NHEJ1: variants seen among roughly 807,000 people sequenced by gnomAD.
NHEJ1 encodes non-homologous end joining factor 1.
NHEJ1 carries 22 observed loss-of-function variants against 39.4 expected under a neutral mutation model. That is an observed-to-expected ratio of 0.56 (90% confidence interval 0.40 to 0.80). NHEJ1 has a LOEUF of 0.80. Ranked by LOEUF, NHEJ1 falls within the 30% of genes least tolerant of loss-of-function variation. The probability of loss-of-function intolerance (pLI) is 0.00; values close to 1 mark genes in which losing one functional copy is unlikely to be tolerated. For synonymous variants in NHEJ1, 154 were observed against 135.6 expected, an observed-to-expected ratio of 1.14 and a Z score of -0.94; for missense variants, 329 against 357.1, an observed-to-expected ratio of 0.92 and a Z score of 0.63.
chr2:219,128,589 A>C (rs1316552589), intron 5 of NHEJ1, among the ~76,000 whole-genome samples: 1 of 152,112 alleles, frequency 6.6e-6, no homozygotes, highest in Admixed American at 6.5e-5. Context: ...TTATCAGGCA[A>C]TAACAAACTC....
Position 219,154,891 on chromosome 2 carries a change from TTA to T in NHEJ1, c.390+2579_390+2580del, listed in dbSNP as rs1339012291. Among the ~76,000 whole-genome samples, 4 of 147,264 alleles carry T rather than the reference TTA, an allele frequency of 2.7e-5. No individual in the cohort carries two copies. The East Asian group carries it at 7.8e-4, about 29-fold the overall frequency. ...TATATATTATATAATATATAATACA[TTA>T]TATTATACCATTACATATTATATTA... On this transcript the variant is annotated intron_variant, in intron 3 of 7. Coordinates refer to ENST00000356853, the MANE Select transcript of NHEJ1 (RefSeq NM_024782.3).
chr2:219,103,283 C>A (rs75548919), intron 5 of NHEJ1, among the ~76,000 whole-genome samples: 2 of 148,224 alleles, frequency 1.3e-5, no homozygotes, highest in African/African-American at 5.0e-5. Context: ...TTTATTTTTT[C>A]TTTTTTCTTT....
rs1229829357 is a variant in NHEJ1, at chr2:219,073,512, G to T, written c.*2869C>A. On this transcript the variant is annotated 3_prime_UTR_variant, in exon 8 of 8. Transcript: ENST00000356853. ...GGATGAGGCTTTCTCTCCAAGCAGG[G>T]AGCATGCCTGTCCTAGCTAACTATG... Among the ~76,000 whole-genome samples, 12 of 152,184 alleles carry T rather than the reference G, an allele frequency of 7.9e-5. No individual in the cohort carries two copies. The highest frequency in any genetic ancestry group is 1.6e-4 in the Non-Finnish European group (11 of 68,030).
intron 1 of NHEJ1, chr2:219,159,337 G>A (rs1325349709): frequency 6.6e-6 from 1 of 151,190 alleles, no homozygotes; most frequent in Non-Finnish European, 1.5e-5. Flanking sequence ...TTTTCCTGTG[G>A]GGGAGAAAAA....
chr2:219,081,666 T>TGTGGGAGATAGGCA (rs1331754471), intron 5 of NHEJ1, among the ~76,000 whole-genome samples: 1 of 152,188 alleles, frequency 6.6e-6, no homozygotes, highest in Non-Finnish European at 1.5e-5. Context: ...CATATTTGCA[T>TGTGGGAGATAGGCA]GTGGGAGATA....
At chr2:219,135,302 A>G (rs951116750) in intron 5 of NHEJ1, among the ~76,000 whole-genome samples, 1 of 152,156 alleles carries the variant, frequency 6.6e-6, no homozygotes, top group Non-Finnish European at 1.5e-5. Context: ...AGGGCTAGGT[A>G]TTTGTCAGAA....
intron 3 of NHEJ1, among the ~76,000 whole-genome samples, chr2:219,152,929 A>G (rs574337800): frequency 6.6e-6 from 1 of 151,890 alleles, no homozygotes; most frequent in East Asian, 1.9e-4. Context: ...CAGCCTCCTG[A>G]GCAGCTGAGA....
At chr2:219,155,369 A>G (rs1354627207) in intron 3 of NHEJ1, among the ~76,000 whole-genome samples, 1 of 151,874 alleles carries the variant, frequency 6.6e-6, no homozygotes, top group African/African-American at 2.4e-5. Flanking sequence ...ATTCGAGACC[A>G]CCCTGGTCAA....
intron 5 of NHEJ1, among the ~76,000 whole-genome samples, chr2:219,130,687 G>T (rs1377894021): frequency 1.3e-5 from 2 of 152,202 alleles, no homozygotes; most frequent in African/African-American, 2.4e-5. Flanking sequence ...TTCTGTACAT[G>T]TTAGGTTGGA....
intron 5 of NHEJ1, among the ~76,000 whole-genome samples, chr2:219,117,576 A>G (rs776854760): frequency 1.3e-5 from 2 of 152,242 alleles, no homozygotes; most frequent in African/African-American, 4.8e-5. Context: ...AACCATGTGG[A>G]AATGTGAAAT....
At position 219,111,233 on chromosome 2, in the gene NHEJ1, G is replaced by C. The variant is rs1264441691; in HGVS notation, c.589-33027C>G. On this transcript the variant is annotated intron_variant, in intron 5 of 7. Transcript: ENST00000356853. This position sits in a 1 kb window ranked among gnomAD's most constrained non-coding sequence, Gnocchi z 4.1. ...TCATAAAAGCATAGACTACTAAAAG[G>C]TGGAAGCCAGATTTATCTCACCCAT... Among the ~76,000 whole-genome samples, 1 of 152,102 alleles carries C rather than the reference G, an allele frequency of 6.6e-6. No individual in the cohort carries two copies. The highest frequency in any genetic ancestry group is 1.5e-5 in the Non-Finnish European group (1 of 68,018).
intron 6 of NHEJ1, among the ~76,000 whole-genome samples, 165 bp from the exon 7 acceptor site, chr2:219,077,529 T>G (rs963476288): frequency 6.6e-6 from 1 of 152,228 alleles, no homozygotes; most frequent in African/African-American, 2.4e-5. Context: ...CAGAAAGTCC[T>G]GTTTCTGCTA....
chr2:219,157,910 A>G (rs1358481355), intron 2 of NHEJ1, among the ~76,000 whole-genome samples: 1 of 152,040 alleles, frequency 6.6e-6, no homozygotes, highest in Non-Finnish European at 1.5e-5. Flanking sequence ...AAATCACAAA[A>G]GGCCTATCTA....
chr2:219,070,806 G>T lies in NHEJ1; in HGVS notation c.*5575C>A, dbSNP rs1401425209. 2.6e-5 allele frequency among the ~76,000 whole-genome samples: 4 copies of T among 152,052 alleles called. No homozygotes were observed. Among genetic ancestry groups the T allele is most frequent in the African/African-American group, 4.8e-5 (2 of 41,400 alleles). On this transcript the variant is annotated 3_prime_UTR_variant, in exon 8 of 8. Transcript: ENST00000356853. ...AGATTTAATTCACACCTATGAAAGA[G>T]GGCAACACAACAGACATTACCACTA...
chr2:219,096,406 T>C (rs549850965), intron 5 of NHEJ1, among the ~76,000 whole-genome samples: 1 of 152,364 alleles, frequency 6.6e-6, no homozygotes, highest in Admixed American at 6.5e-5. Flanking sequence ...ATTGAGGCCC[T>C]GCTATGTTCC....
intron 5 of NHEJ1, among the ~76,000 whole-genome samples, chr2:219,085,885 T>C (rs1949107273): frequency 6.6e-6 from 1 of 152,118 alleles, no homozygotes; most frequent in Non-Finnish European, 1.5e-5. Flanking sequence ...ATGCTGGACA[T>C]GCAATGGAGT....
At chr2:219,128,660 AGCT>A (rs1408327119) in intron 5 of NHEJ1, among the ~76,000 whole-genome samples, 1 of 152,154 alleles carries the variant, frequency 6.6e-6, no homozygotes, top group African/African-American at 2.4e-5. Context: ...GGAAAACAAG[AGCT>A]GCAAGAAGCC....
At chr2:219,157,290 C>G (rs1949863046) in intron 3 of NHEJ1, among the ~76,000 whole-genome samples, 182 bp downstream of exon 3, 1 of 152,228 alleles carries the variant, frequency 6.6e-6, no homozygotes, top group Non-Finnish European at 1.5e-5. Context: ...CAGTACTCTG[C>G]TCCTTTTGCA....
At chr2:219,113,946 G>A (rs1278503751) in intron 5 of NHEJ1, among the ~76,000 whole-genome samples, 1 of 152,158 alleles carries the variant, frequency 6.6e-6, no homozygotes, top group Non-Finnish European at 1.5e-5. Flanking sequence ...CACGCTTCAG[G>A]ATCCTCTTCC....
Sources: allele counts gnomAD v4.1 joint callset (sites outside exome capture counted in the v4.1 genomes callset), GRCh38; gene constraint gnomAD v4.1.1; non-coding constraint Gnocchi (gnomAD v3.1); transcripts MANE v1.5; gene names NCBI Gene and HGNC (gene_info 2026-07-23, HGNC 2026-07-21).